The following ANKIB1 variants were observed in gnomAD, a reference collection of about 807,000 sequenced individuals.
ANKIB1 encodes the protein ankyrin repeat and IBR domain-containing protein 1.
In ANKIB1, 43 loss-of-function variants were observed where a neutral mutation model predicts 122.1. That is an observed-to-expected ratio of 0.35 (90% CI 0.28 to 0.45). The LOEUF is 0.45. Ranked by LOEUF, ANKIB1 falls within the 20% of genes least tolerant of loss-of-function variation. ANKIB1 has a pLI of 1.00. For synonymous variants in ANKIB1, 390 were observed against 442.0 expected, an observed-to-expected ratio of 0.88 and a Z score of 1.48; for missense variants, 992 against 1,329.5, an observed-to-expected ratio of 0.75 and a Z score of 3.95.
chr7:92,283,846 C>T (rs1009361773), intron 1 of ANKIB1, among the ~76,000 whole-genome samples: 2 of 152,216 alleles, frequency 1.3e-5, no homozygotes, highest in Non-Finnish European at 2.9e-5. Context: ...TCTCGGCTCA[C>T]TGCAACCTCC....
At chr7:92,283,956 G>T (rs183611674) in intron 1 of ANKIB1, among the ~76,000 whole-genome samples, 1 of 151,888 alleles carries the variant, frequency 6.6e-6, no homozygotes, top group African/African-American at 2.4e-5. Flanking sequence ...TTTTTAGTAG[G>T]GACGGGGTTT....
intron 11 of ANKIB1, 51 bp from the exon 12 acceptor site, chr7:92,386,457 TA>T: frequency 6.7e-7 from 1 of 1,497,214 alleles, no homozygotes; most frequent in Non-Finnish European, 8.9e-7. Context: ...AAGCAGAAAA[TA>T]ATTTGCATAT....
chr7:92,246,756 C>G (rs1407761656), intron 1 of ANKIB1, among the ~76,000 whole-genome samples: 2 of 152,204 alleles, frequency 1.3e-5, no homozygotes, highest in Non-Finnish European at 1.5e-5. Flanking sequence ...CGCGTCCCAT[C>G]CTCCCCATCT....
chr7:92,376,329 T>C (rs780266705), intron 11 of ANKIB1, among the ~76,000 whole-genome samples: 5 of 152,226 alleles, frequency 3.3e-5, no homozygotes, highest in Non-Finnish European at 7.3e-5. Context: ...TTCATCTACA[T>C]TGGAAATCTG....
At chr7:92,320,118 T>C (rs960629637) in intron 4 of ANKIB1, among the ~76,000 whole-genome samples, 1 of 152,184 alleles carries the variant, frequency 6.6e-6, no homozygotes, top group African/African-American at 2.4e-5. Context: ...CTCTTTTGGA[T>C]TGATCATATC....
At chr7:92,251,189 A>G (rs1191624276) in intron 1 of ANKIB1, among the ~76,000 whole-genome samples, 3 of 152,210 alleles carry the variant, frequency 2.0e-5, no homozygotes, top group Non-Finnish European at 4.4e-5. Context: ...CTAAATTATA[A>G]ATGGGCTAGG....
At chr7:92,306,098 T>G (rs1802556989) in intron 2 of ANKIB1, among the ~76,000 whole-genome samples, 1 of 147,740 alleles carries the variant, frequency 6.8e-6, no homozygotes, top group Non-Finnish European at 1.5e-5. Context: ...AGCCTTCTTC[T>G]ATAACATCCC....
chr7:92,301,853 A>G (rs190355336), intron 2 of ANKIB1, among the ~76,000 whole-genome samples: 12 of 151,944 alleles, frequency 7.9e-5, no homozygotes, highest in Admixed American at 3.3e-4. Flanking sequence ...GTTGATGACT[A>G]TTACTTTCTC....
chr7:92,399,163 C>A lies in ANKIB1; in HGVS notation c.*214C>A. Reference sequence around the variant, plus strand: ...TGTACTTAATTGAATAGCTTTTCCCCTTTTTGCTGACAAAAAGAAGAGCAA... The same window carrying A: ...TGTACTTAATTGAATAGCTTTTCCCATTTTTGCTGACAAAAAGAAGAGCAA... On this transcript the variant is annotated 3_prime_UTR_variant, in exon 20 of 20. Transcript: ENST00000265742. 1 of 411,392 alleles carries A rather than the reference C, an allele frequency of 2.4e-6. No individual in the cohort carries two copies. The highest frequency in any genetic ancestry group is 4.1e-6 in the Non-Finnish European group (1 of 245,530). 25.5% of individuals were successfully genotyped at this position (411,392 alleles called of 1,614,324 possible).
At chr7:92,381,853 C>A (rs1053472059) in intron 11 of ANKIB1, among the ~76,000 whole-genome samples, 2 of 152,156 alleles carry the variant, frequency 1.3e-5, no homozygotes, top group Non-Finnish European at 2.9e-5. Flanking sequence ...AAATAACCAG[C>A]TAACATCATA....
At chr7:92,367,948 G>C (rs756281777) in intron 10 of ANKIB1, among the ~76,000 whole-genome samples, 1 of 152,166 alleles carries the variant, frequency 6.6e-6, no homozygotes, top group South Asian at 2.1e-4. Flanking sequence ...TTGACGCTCA[G>C]AGTTCAAGAC....
chr7:92,344,610 A>G (rs1461262966), intron 6 of ANKIB1, among the ~76,000 whole-genome samples: 2 of 152,146 alleles, frequency 1.3e-5, no homozygotes, highest in Non-Finnish European at 2.9e-5. Flanking sequence ...TTTGAAGGGT[A>G]GGTGTAATGT....
chr7:92,274,335 A>G (rs1368785451), intron 1 of ANKIB1, among the ~76,000 whole-genome samples: 1 of 152,240 alleles, frequency 6.6e-6, no homozygotes, highest in Non-Finnish European at 1.5e-5. Flanking sequence ...ACAAAATATC[A>G]GTAATAAAAG....
chr7:92,390,206 G>A, intron 15 of ANKIB1, 90 bp downstream of exon 15: 2 of 935,148 alleles, frequency 2.1e-6, no homozygotes, highest in East Asian at 3.1e-5. Flanking sequence ...TATTTAATGT[G>A]GACATGATTA....
At chr7:92,246,548 G>T (rs555201675) in intron 1 of ANKIB1, 29 bp downstream of exon 1, 3 of 516,050 alleles carry the variant, frequency 5.8e-6, no homozygotes, top group Non-Finnish European at 1.2e-5. Context: ...GTACAGATGT[G>T]TTTGAGGCTG....
intron 17 of ANKIB1, among the ~76,000 whole-genome samples, chr7:92,393,654 G>A (rs1367663241): frequency 6.6e-6 from 1 of 152,070 alleles, no homozygotes; most frequent in Non-Finnish European, 1.5e-5. Context: ...TGAAATATTT[G>A]TCCTTGAATA....
chr7:92,341,924 A>G (rs1176854246), intron 5 of ANKIB1, among the ~76,000 whole-genome samples: 1 of 152,228 alleles, frequency 6.6e-6, no homozygotes, highest in Non-Finnish European at 1.5e-5. Flanking sequence ...TCGTAAGTCA[A>G]GGAGCATCTA....
intron 11 of ANKIB1, among the ~76,000 whole-genome samples, chr7:92,377,298 G>C (rs1424899369): frequency 1.3e-5 from 2 of 152,116 alleles, no homozygotes; most frequent in East Asian, 3.8e-4. Flanking sequence ...AGAATGACTA[G>C]TTAGTGAGGT....
intron 11 of ANKIB1, among the ~76,000 whole-genome samples, chr7:92,374,119 C>T (rs1804330257): frequency 6.6e-6 from 1 of 152,156 alleles, no homozygotes; most frequent in Non-Finnish European, 1.5e-5. Flanking sequence ...AAAAGAAAAA[C>T]CCCAATAACA....
Sources: allele counts gnomAD v4.1 joint callset (sites outside exome capture counted in the v4.1 genomes callset), GRCh38; gene constraint gnomAD v4.1.1; transcripts MANE v1.5; gene names NCBI Gene and HGNC (gene_info 2026-07-23, HGNC 2026-07-21).